ZFHX3: variants seen among roughly 807,000 people sequenced by gnomAD.
ZFHX3 encodes zinc finger homeobox protein 3.
ZFHX3 carries 42 observed loss-of-function variants against 279.1 expected under a neutral mutation model. That is an observed-to-expected ratio of 0.15 (90% CI 0.12 to 0.19). The LOEUF (loss-of-function observed/expected upper bound fraction) is 0.19. Among genes scored for constraint, ZFHX3 ranks in the 10% least tolerant of loss-of-function variants. The pLI, the probability that ZFHX3 is intolerant of heterozygous loss-of-function variation, is 1.00. For missense variants in ZFHX3, 4,981 were observed against 4,754.0 expected, an observed-to-expected ratio of 1.05 and a Z score of -1.40; for synonymous variants, 2,293 against 1,957.8, an observed-to-expected ratio of 1.17 and a Z score of -4.52.
intron 3 of ZFHX3, among the ~76,000 whole-genome samples, chr16:73,375,923 C>T (rs1012285806): frequency 6.6e-5 from 10 of 152,078 alleles, no homozygotes; most frequent in African/African-American, 2.4e-4. Flanking sequence ...CTGGATACAC[C>T]GTTGGGTTCA....
chr16:73,591,734 C>CGGAGGAT (rs1567527693), intron 2 of ZFHX3, among the ~76,000 whole-genome samples: 1 of 99,762 alleles, frequency 1.0e-5, no homozygotes, highest in Non-Finnish European at 2.2e-5. Context: ...GAAAAGAAAA[C>CGGAGGAT]GGAGGGATGG....
intron 2 of ZFHX3, among the ~76,000 whole-genome samples, chr16:73,633,229 A>T (rs1237561513): frequency 1.3e-5 from 2 of 152,244 alleles, no homozygotes; most frequent in African/African-American, 4.8e-5. Context: ...AGGAGATCGA[A>T]ATTGAGAAGG....
chr16:73,779,947 G>A (rs112668392), intron 1 of ZFHX3, among the ~76,000 whole-genome samples: 4,117 of 151,504 alleles, frequency 0.027, 198 homozygotes, highest in African/African-American at 0.095. Context: ...TTGATCTCCT[G>A]ACCTCATGAC....
intron 3 of ZFHX3, among the ~76,000 whole-genome samples, chr16:72,909,000 A>T (rs1050620163): frequency 2.0e-5 from 3 of 152,236 alleles, no homozygotes; most frequent in Non-Finnish European, 4.4e-5. Flanking sequence ...TAAAATGACT[A>T]GCAGTACATT....
At chr16:73,131,631 C>T (rs1031165511) in intron 6 of ZFHX3, among the ~76,000 whole-genome samples, 5 of 152,092 alleles carry the variant, frequency 3.3e-5, no homozygotes, top group Non-Finnish European at 7.4e-5. Flanking sequence ...GAGGAGAGGG[C>T]GAAAGCATCA....
At chr16:72,901,149 C>T (rs990891362) in intron 3 of ZFHX3, among the ~76,000 whole-genome samples, 6 of 152,160 alleles carry the variant, frequency 3.9e-5, no homozygotes, top group African/African-American at 1.2e-4. Flanking sequence ...CCAGGGCTGT[C>T]GCTGGCAGCG....
rs1402240152 is a variant in ZFHX3, at chr16:72,785,368, T to G, written c.*1796A>C. On this transcript the variant is annotated 3_prime_UTR_variant, in exon 10 of 10. Coordinates refer to ENST00000268489, the MANE Select transcript of ZFHX3 (RefSeq NM_006885.4). ...CTTTGTTGGCTGCGCTCTGGATCAC[T>G]CGCTGCTCAGACTGCCTAACACAAG... 6.5e-6 allele frequency: 1 copy of G among 152,690 alleles called. No individual in the cohort carries two copies. The highest frequency in any genetic ancestry group is 2.4e-5 in the African/African-American group (1 of 41,470). The allele number at this position is 152,690 out of a possible 1,614,324, so 9.5% of individuals were successfully genotyped here.
intron 1 of ZFHX3, among the ~76,000 whole-genome samples, chr16:73,784,816 T>TAC (rs58711157): frequency 0.027 from 3,650 of 135,344 alleles, 142 homozygotes; most frequent in African/African-American, 0.087. Flanking sequence ...TATATATATA[T>TAC]ACACACACAC....
chr16:72,787,749 GC>G lies in ZFHX3; in HGVS notation c.10526del (p.Gly3509AlafsTer36). 6 of 1,415,908 alleles carry G rather than the reference GC, an allele frequency of 4.2e-6. No individual in the cohort carries two copies. Among genetic ancestry groups the G allele is most frequent in the Non-Finnish European group, 5.5e-6 (6 of 1,083,756 alleles). 87.7% of individuals were successfully genotyped at this position (1,415,908 alleles called of 1,614,324 possible). ...CGCCGCCGCCGCCACTGCCACCGCC[GC>G]CGCCGCCGGTGGGGACGTGAAGCAC... ...EMVLHVPTGGGGGGSGGGGGG... is the reference protein window; with the variant it reads ...EMVLHVPTGGXGGGSGGGGGG... On this transcript the variant is annotated frameshift_variant, in exon 10 of 10. Transcript: ENST00000268489. LOFTEE classifies it high-confidence loss of function.
chr16:73,789,361 T>C (rs1223098825), intron 1 of ZFHX3, among the ~76,000 whole-genome samples: 1 of 151,996 alleles, frequency 6.6e-6, no homozygotes, highest in East Asian at 1.9e-4. Flanking sequence ...TTTGCATTTT[T>C]AGTAGAGACG....
intron 3 of ZFHX3, among the ~76,000 whole-genome samples, chr16:73,435,353 C>T (rs893162296): frequency 2.0e-5 from 3 of 152,204 alleles, no homozygotes; most frequent in Admixed American, 6.5e-5. Context: ...GGACTACATG[C>T]GCCCACTACC....
intron 4 of ZFHX3, among the ~76,000 whole-genome samples, chr16:72,870,789 T>C (rs970479670): frequency 1.3e-5 from 2 of 152,124 alleles, no homozygotes; most frequent in Non-Finnish European, 2.9e-5. Flanking sequence ...AAGATATTCT[T>C]TTCATACAAA....
At chr16:73,358,485 C>T (rs545650475) in intron 3 of ZFHX3, among the ~76,000 whole-genome samples, 1 of 152,292 alleles carries the variant, frequency 6.6e-6, no homozygotes, top group Middle Eastern at 3.4e-3. Flanking sequence ...AGATCCTTCC[C>T]CATTCAAACC....
intron 1 of ZFHX3, among the ~76,000 whole-genome samples, chr16:73,835,220 G>A (rs1961106070): frequency 6.6e-6 from 1 of 152,120 alleles, no homozygotes; most frequent in Non-Finnish European, 1.5e-5. Context: ...TTAGCTAGAA[G>A]TTCCTCTGTC....
intron 5 of ZFHX3, among the ~76,000 whole-genome samples, chr16:73,208,011 T>A (rs1248679439): frequency 6.6e-6 from 1 of 152,160 alleles, no homozygotes; most frequent in Non-Finnish European, 1.5e-5. Context: ...CTCTGCACTA[T>A]CTCCTAGACT....
chr16:73,546,671 TTGCTGCTGCTGCTGCTGCTGCTGC>T (rs57427757), intron 2 of ZFHX3, among the ~76,000 whole-genome samples: 10,478 of 143,486 alleles, frequency 0.073, 529 homozygotes, highest in South Asian at 0.21. Flanking sequence ...GGTGCTGCTG[TTGCTGCTGCTGCTGCTGCTGCTGC>T]TGCTGCTGCT....
chr16:73,631,146 G>A (rs554222797), intron 2 of ZFHX3, among the ~76,000 whole-genome samples: 19 of 152,264 alleles, frequency 1.2e-4, no homozygotes, highest in African/African-American at 4.3e-4. Context: ...CTTGAAGTAC[G>A]CTGTTAGGTC....
At chr16:73,777,786 A>T (rs1287093842) in intron 1 of ZFHX3, among the ~76,000 whole-genome samples, 2 of 152,182 alleles carry the variant, frequency 1.3e-5, no homozygotes, top group Non-Finnish European at 2.9e-5. Flanking sequence ...GCATGTAAGG[A>T]AAGTGAGGCT....
chr16:73,600,744 G>A (rs566239175), intron 2 of ZFHX3, among the ~76,000 whole-genome samples: 3 of 152,164 alleles, frequency 2.0e-5, no homozygotes, highest in East Asian at 3.9e-4. Flanking sequence ...TGGCATCATG[G>A]ATCTTTGAAA....
Sources: allele counts gnomAD v4.1 joint callset (sites outside exome capture counted in the v4.1 genomes callset), GRCh38; gene constraint gnomAD v4.1.1; transcripts MANE v1.5; gene names NCBI Gene and HGNC (gene_info 2026-07-23, HGNC 2026-07-21).